Variants in ZNF714 observed in about 807,000 individuals in gnomAD.
ZNF714 encodes the protein zinc finger protein 714.
Under a neutral mutation model 46.2 loss-of-function variants are expected in ZNF714, and 32 were observed. The ratio of observed to expected loss-of-function variants is 0.69; its 90% CI spans 0.52 to 0.93. The LOEUF (loss-of-function observed/expected upper bound fraction) is 0.93, where lower values mean the gene tolerates loss of function less well. Ranked by LOEUF, ZNF714 falls within the 40% of genes least tolerant of loss-of-function variation. ZNF714 has a pLI of 0.00. For synonymous variants in ZNF714, 199 were observed against 213.1 expected (o/e 0.93, Z 0.58); for missense variants, 635 against 646.3 (o/e 0.98, Z 0.19).
chr19:21,100,528 A>G (rs1235256505), intron 4 of ZNF714, among the ~76,000 whole-genome samples: 1 of 152,054 alleles, frequency 6.6e-6, no homozygotes, highest in Non-Finnish European at 1.5e-5. Flanking sequence ...GCAAAACTCC[A>G]TCTCAATAAA....
In ZNF714 at chr19:21,117,909, T is replaced by G; in HGVS notation, c.1245T>G (p.His415Gln). 6.2e-7 allele frequency: 1 copy of G among 1,612,920 alleles called. No homozygotes were observed. Among genetic ancestry groups the G allele is most frequent in the South Asian group, 1.1e-5 (1 of 91,040 alleles). Reference protein sequence around the residue: ...AFNQSSNLTKHKIIHTGEKLY... With the variant: ...AFNQSSNLTKQKIIHTGEKLY... ...ACCAATCCTCAAACCTTACCAAACA[T>G]AAGATAATTCATACTGGAGAGAAAC... Residue 415 changes from histidine to glutamine, a missense_variant, in exon 5 of 5, where the codon CAT becomes CAG. Transcript: ENST00000456283.
At position 21,116,965 on chromosome 19, in the gene ZNF714, G is replaced by A. The variant is rs771952749; in HGVS notation, c.301G>A (p.Gly101Ser). 2.3e-5 allele frequency: 37 copies of A among 1,609,246 alleles called. No individual in the cohort carries two copies. Among genetic ancestry groups the A allele is most frequent in the Non-Finnish European group, 2.9e-5 (34 of 1,179,366 alleles). The change falls in exon 5 of 5, where the codon GGT (glycine) becomes AGT (serine). Residue 101 changes from glycine to serine, a missense_variant. Transcript: ENST00000456283. ...NVVECKVYKK[G>S]YNELNQCLTT... ...GGTTGAGTGTAAGGTGTACAAAAAA[G>A]GTTATAATGAACTAAACCAGTGTTT...
intron 4 of ZNF714, among the ~76,000 whole-genome samples, chr19:21,103,612 T>TA (rs1331924838): frequency 6.6e-6 from 1 of 152,034 alleles, no homozygotes; most frequent in Non-Finnish European, 1.5e-5. Context: ...TAAGTCTATT[T>TA]AAGTGCACAT....
chr19:21,094,794 T>C (rs1599533958), intron 2 of ZNF714, among the ~76,000 whole-genome samples: 2 of 152,196 alleles, frequency 1.3e-5, no homozygotes, highest in South Asian at 4.1e-4. Flanking sequence ...CCCAAAGTGC[T>C]GGGGTTACCG....
At position 21,117,361 on chromosome 19, in the gene ZNF714, G is replaced by A. The variant is rs1302854805; in HGVS notation, c.697G>A (p.Glu233Lys). 4.3e-6 allele frequency: 7 copies of A among 1,612,964 alleles called. No homozygotes were observed. The highest frequency in any genetic ancestry group is 1.7e-5 in the Admixed American group (1 of 59,968). Residue 233 changes from glutamate to lysine, a missense_variant, in exon 5 of 5, where the codon GAA becomes AAA. Glu to Lys is a moderately conservative substitution (Grantham distance 56, BLOSUM62 1). Transcript: ENST00000456283. ...TGGAGAGAAACCCTACAGATGTGAAGAATGTGGCAAAGCCTTCTACCATTC... is the reference window on the plus strand; with the variant it reads ...TGGAGAGAAACCCTACAGATGTGAAAAATGTGGCAAAGCCTTCTACCATTC... ...HTGEKPYRCE[E>K]CGKAFYHSSH...
intron 4 of ZNF714, among the ~76,000 whole-genome samples, chr19:21,103,755 G>C (rs751625458): frequency 8.0e-4 from 122 of 152,032 alleles, no homozygotes; most frequent in Non-Finnish European, 1.3e-3. Flanking sequence ...AAATATCCAG[G>C]CATGTTAGTG....
intron 2 of ZNF714, chr19:21,091,323 T>C (rs1433954113): frequency 2.0e-5 from 3 of 152,248 alleles, no homozygotes; most frequent in African/African-American, 7.2e-5. Flanking sequence ...TGGTGGGTTT[T>C]ATCCAGCTTC....
chr19:21,084,476 T>A (rs550307584), intron 2 of ZNF714, among the ~76,000 whole-genome samples: 3 of 151,240 alleles, frequency 2.0e-5, no homozygotes, highest in Non-Finnish European at 3.0e-5. Context: ...AATACTGCAG[T>A]GTCTCCTGAA....
intron 4 of ZNF714, among the ~76,000 whole-genome samples, chr19:21,105,651 C>T (rs915425133): frequency 4.6e-5 from 7 of 151,830 alleles, no homozygotes; most frequent in Admixed American, 4.6e-4. Context: ...TATGTCTAAG[C>T]ATTTTATTTG....
intron 4 of ZNF714, among the ~76,000 whole-genome samples, chr19:21,099,936 A>G (rs1429768485): frequency 1.3e-5 from 2 of 151,998 alleles, no homozygotes; most frequent in Non-Finnish European, 2.9e-5. Flanking sequence ...GCTCACTGCA[A>G]CCTCCACTTT....
intron 4 of ZNF714, among the ~76,000 whole-genome samples, chr19:21,113,648 A>G (rs1027000174): frequency 4.0e-5 from 6 of 151,888 alleles, no homozygotes; most frequent in South Asian, 2.1e-4. Flanking sequence ...CTGGGATTAC[A>G]GGCACATACT....
In ZNF714 at chr19:21,118,143, C is replaced by T. The variant is rs747926733; in HGVS notation, c.1479C>T (p.Ser493=). The T allele has an allele frequency of 1.4e-5, 22 of 1,613,466 alleles. No homozygotes were observed. The highest frequency in any genetic ancestry group is 1.9e-5 in the Non-Finnish European group (22 of 1,179,678). Residue 493 remains serine (S), a synonymous_variant, in exon 5 of 5, where the codon TCC becomes TCT. Coordinates refer to ENST00000456283, the MANE Select transcript of ZNF714 (RefSeq NM_182515.4). ...CEECGKAFNQ[S]STLTKHRKIQ... is the part of the protein sequence containing the mutation. ...AATGTGGTAAAGCCTTTAACCAATC[C>T]TCAACTCTTACTAAACATAGGAAAA...
Position 21,112,565 on chromosome 19 carries a change from C to T in ZNF714, c.143-4242C>T, listed in dbSNP as rs115231604. Among the ~76,000 whole-genome samples, 1,150 of 144,642 alleles carry T rather than the reference C, an allele frequency of 8.0e-3. 19 individuals are homozygous for T. The highest frequency in any genetic ancestry group is 0.029 in the African/African-American group (1,122 of 39,048). The allele number at this position is 144,642 out of a possible 152,430, so 94.9% of individuals were successfully genotyped here. On this transcript the variant is annotated intron_variant, in intron 4 of 4. Transcript: ENST00000456283. ...TTTTTTTTGAATGGTTTTTTTGTGTCTCTGTGTCCTTCACTTCCAGTCTGA... is the reference window on the plus strand; with the variant it reads ...TTTTTTTTGAATGGTTTTTTTGTGTTTCTGTGTCCTTCACTTCCAGTCTGA...
rs1324122273 is a variant in ZNF714, at chr19:21,125,034, G to C, written c.*6702G>C. On this transcript the variant is annotated 3_prime_UTR_variant, in exon 5 of 5. Coordinates refer to ENST00000456283, the MANE Select transcript of ZNF714 (RefSeq NM_182515.4). ...GGGCAGGTGGATTGCTTGAGCCCAG[G>C]AGTTTGAGACCAGCCTGGTCAACAT... 1 of 146,426 alleles carries C rather than the reference G, an allele frequency of 6.8e-6. No individual in the cohort carries two copies. Among genetic ancestry groups the C allele is most frequent in the Non-Finnish European group, 1.5e-5 (1 of 67,054 alleles). 9.1% of individuals were successfully genotyped at this position (146,426 alleles called of 1,614,324 possible).
chr19:21,105,026 C>CTTTTT (rs34750232), intron 4 of ZNF714, among the ~76,000 whole-genome samples: 14 of 129,758 alleles, frequency 1.1e-4, no homozygotes, highest in Non-Finnish European at 2.0e-4. Flanking sequence ...TCATTTCTTT[C>CTTTTT]TTTTTTTTTT....
rs1247551614 is a variant in ZNF714 at position 21,117,170 on chromosome 19, G to C, written c.506G>C (p.Arg169Thr). Reference sequence around the variant, plus strand: ...CATCAACATAAAAGAATTCATATTAGAGAGAATTCTTACCAATGTGAAGAA... The same window carrying C: ...CATCAACATAAAAGAATTCATATTACAGAGAATTCTTACCAATGTGAAGAA... ...HLHQHKRIHI[R>T]ENSYQCEECD... Residue 169 changes from arginine to threonine, a missense_variant, in exon 5 of 5, where the codon AGA (arginine) becomes ACA (threonine). Physicochemically the swap from Arg to Thr is moderately conservative, Grantham distance 71. Transcript: ENST00000456283. The C allele has an allele frequency of 1.2e-6, 2 of 1,613,866 alleles. No individual in the cohort carries two copies. The highest frequency in any genetic ancestry group is 1.7e-6 in the Non-Finnish European group (2 of 1,179,928).
intron 4 of ZNF714, among the ~76,000 whole-genome samples, chr19:21,107,485 C>T (rs930954919): frequency 3.9e-5 from 6 of 152,230 alleles, no homozygotes; most frequent in South Asian, 4.1e-4. Flanking sequence ...GTGATCCGCC[C>T]ACCTTGGCCT....
intron 2 of ZNF714, among the ~76,000 whole-genome samples, chr19:21,094,831 A>G (rs895889150): frequency 9.9e-5 from 15 of 152,258 alleles, no homozygotes; most frequent in African/African-American, 3.1e-4. Context: ...TTCTAACAAC[A>G]GCCATTCTGA....
At position 21,092,879 on chromosome 19, in the gene ZNF714, C is replaced by T. The variant is rs986920774; in HGVS notation, c.-84-5306C>T. 4.1e-5 allele frequency among the ~76,000 whole-genome samples: 6 copies of T among 145,528 alleles called. No homozygotes were observed. The Middle Eastern group carries it at 0.014, about 352-fold the overall frequency. On this transcript the variant is annotated intron_variant, in intron 2 of 4. Coordinates refer to ENST00000456283, the MANE Select transcript of ZNF714 (RefSeq NM_182515.4). Reference sequence around the variant, plus strand: ...TCCTAAGGATAATGGTCTCCAGTGTCGTCTATGTTGCTGCAAATAACTTAA... The same window carrying T: ...TCCTAAGGATAATGGTCTCCAGTGTTGTCTATGTTGCTGCAAATAACTTAA...
Sources: gnomAD v4.1 joint callset for allele counts (sites outside exome capture counted in the v4.1 genomes callset) on GRCh38, gnomAD v4.1.1 for gene constraint, MANE v1.5 for transcripts, NCBI Gene and HGNC (gene_info 2026-07-23, HGNC 2026-07-21) for gene names.